The following RASA3 variants were observed in gnomAD, a reference collection of about 807,000 sequenced individuals.
The protein encoded by RASA3 is ras GTPase-activating protein 3.
RASA3 carries 73 observed loss-of-function variants against 110.0 expected under a neutral mutation model. The ratio of observed to expected loss-of-function variants is 0.66; its 90% confidence interval spans 0.55 to 0.81. RASA3 has a LOEUF of 0.81. Among genes scored for constraint, RASA3 ranks in the 30% least tolerant of loss-of-function variants. The pLI is 0.00. For synonymous variants in RASA3, 500 were observed against 451.4 expected (o/e 1.11, Z -1.37); for missense variants, 976 against 1,113.2 (o/e 0.88, Z 1.75).
chr13:114,078,055 G>T, intron 1 of RASA3: 1 of 949,952 alleles, frequency 1.1e-6, no homozygotes, highest in Non-Finnish European at 1.3e-6. Flanking sequence ...ACACCAGGGA[G>T]CCTGCTGGAC....
Position 114,056,058 on chromosome 13 carries a change from T to A in RASA3, c.174-3903A>T, listed in dbSNP as rs1019019906. Among the ~76,000 whole-genome samples the A allele has an allele frequency of 2.0e-5, 3 of 151,858 alleles. No individual in the cohort carries two copies. Among genetic ancestry groups the A allele is most frequent in the African/African-American group, 7.3e-5 (3 of 41,324 alleles). On this transcript the variant is annotated intron_variant, in intron 2 of 23. Transcript: ENST00000334062. This position sits in a 1 kb window ranked among gnomAD's most constrained non-coding sequence, Gnocchi z 5.7. ...CTTCAGAGCAACCCAGGCCTCGGGG[T>A]TCACCTGGCGCGTCACCGTTTCCCG...
intron 1 of RASA3, among the ~76,000 whole-genome samples, chr13:114,082,488 T>TGCTCCGAG (rs1313386830): frequency 6.6e-6 from 1 of 152,352 alleles, no homozygotes; most frequent in African/African-American, 2.4e-5. Flanking sequence ...AACCTCCCTG[T>TGCTCCGAG]GCTCCGAGGC....
At position 114,106,268 on chromosome 13, in the gene RASA3, T is replaced by C. The variant is rs554064342; in HGVS notation, c.55+26167A>G. 3.9e-5 allele frequency among the ~76,000 whole-genome samples: 6 copies of C among 152,308 alleles called. No individual in the cohort carries two copies. The East Asian group carries it at 9.6e-4, about 24-fold the overall frequency. On this transcript the variant is annotated intron_variant, in intron 1 of 23. Coordinates refer to ENST00000334062, the MANE Select transcript of RASA3 (RefSeq NM_007368.4). The stretch of plus-strand genomic sequence containing the variant: ...GTATCTCCACGGAGCAAAATAAGAA[T>C]GGAGAGAAACTAACGCAAAGAAAGA...
At chr13:114,017,791 G>C (rs779433048) in intron 11 of RASA3, among the ~76,000 whole-genome samples, 4 of 152,198 alleles carry the variant, frequency 2.6e-5, no homozygotes, top group Non-Finnish European at 4.4e-5. Context: ...AGGTCCTGAG[G>C]GAAGCTGTGC....
intron 19 of RASA3, 52 bp from the exon 20 acceptor site, chr13:113,999,719 G>T: frequency 6.6e-7 from 1 of 1,524,266 alleles, no homozygotes. Context: ...TCCCGGCTGG[G>T]GTCCGGGTGG....
chr13:114,104,217 G>A (rs112588662), intron 1 of RASA3, among the ~76,000 whole-genome samples: 1 of 48,838 alleles, frequency 2.0e-5, no homozygotes, highest in African/African-American at 1.1e-4. Context: ...ACGCTGCCAC[G>A]GCCACGGACA....
In RASA3 at chr13:114,057,560, G is replaced by A. The variant is rs1011447083; in HGVS notation, c.174-5405C>T. ...AAGGGCGATTCCAGGGACAGTGGAG[G>A]CCCCCACAGGAAGGAAACCTCTCCC... On this transcript the variant is annotated intron_variant, in intron 2 of 23. Transcript: ENST00000334062. This position sits in a 1 kb window ranked among gnomAD's most constrained non-coding sequence, Gnocchi z 5.0. 8.3e-6 allele frequency: 8 copies of A among 965,366 alleles called. No individual in the cohort carries two copies. The highest frequency in any genetic ancestry group is 9.9e-6 in the Non-Finnish European group (8 of 811,724). The allele number at this position is 965,366 out of a possible 1,614,324, so 59.8% of individuals were successfully genotyped here.
At chr13:114,043,681 C>CCCCGGCACAGGAAAA (rs2078977640) in intron 3 of RASA3, among the ~76,000 whole-genome samples, 1 of 151,938 alleles carries the variant, frequency 6.6e-6, no homozygotes, top group African/African-American at 2.4e-5. Flanking sequence ...GCACAGGAAA[C>CCCCGGCACAGGAAAA]AGGCCCCAGC....
chr13:114,126,562 C>A (rs1356019399), intron 1 of RASA3, among the ~76,000 whole-genome samples: 1 of 152,206 alleles, frequency 6.6e-6, no homozygotes, highest in African/African-American at 2.4e-5. Flanking sequence ...ACAGCCAAAA[C>A]CAAAAACAAA....
intron 1 of RASA3, among the ~76,000 whole-genome samples, chr13:114,077,191 AACAC>A (rs2079698821): frequency 6.6e-6 from 1 of 152,184 alleles, no homozygotes; most frequent in Admixed American, 6.5e-5. Context: ...GCAGGACGGA[AACAC>A]ACAAGCTTTC....
intron 3 of RASA3, among the ~76,000 whole-genome samples, chr13:114,043,125 G>C (rs1269288825): frequency 6.8e-6 from 1 of 147,214 alleles, no homozygotes; most frequent in African/African-American, 2.5e-5. Context: ...CCCCTCCTTT[G>C]TCTGCAAACT....
intron 15 of RASA3, among the ~76,000 whole-genome samples, chr13:114,012,751 A>T (rs1311719813): frequency 1.0e-5 from 1 of 97,096 alleles, no homozygotes; most frequent in Non-Finnish European, 2.2e-5. Flanking sequence ...CACTCATTCC[A>T]CACACACTCC....
At chr13:114,059,712 A>G (rs1369332105) in intron 2 of RASA3, among the ~76,000 whole-genome samples, 1 of 152,218 alleles carries the variant, frequency 6.6e-6, no homozygotes, top group Non-Finnish European at 1.5e-5. Flanking sequence ...AGACAAGCAC[A>G]TGGCAGGGCC....
At chr13:114,019,236 C>T (rs1354781198) in intron 9 of RASA3, among the ~76,000 whole-genome samples, 1 of 152,230 alleles carries the variant, frequency 6.6e-6, no homozygotes, top group Non-Finnish European at 1.5e-5. Flanking sequence ...GCCCTAAGAC[C>T]CACACCCAGC....
At position 114,027,425 on chromosome 13, in the gene RASA3, G is replaced by A. The variant is rs1158213166; in HGVS notation, c.567C>T (p.Thr189=). 1.2e-6 allele frequency: 2 copies of A among 1,613,208 alleles called. No individual in the cohort carries two copies. Among genetic ancestry groups the A allele is most frequent in the East Asian group, 2.2e-5 (1 of 44,894 alleles). ...ACACTTCATCGAACTGGGGATTGTT[G>A]GTCTTCCTCTTCACTTTCGTCTTCT... The part of the protein sequence containing the change: ...EAKKTKVKRK[T]NNPQFDEVFY... The change falls in exon 7 of 24, where the codon ACC becomes ACT. Residue 189 remains threonine (T), a synonymous_variant. Transcript: ENST00000334062.
At chr13:114,027,515 C>T (rs2054048881) in intron 6 of RASA3, 54 bp from the exon 7 acceptor site, 1 of 1,383,236 alleles carries the variant, frequency 7.2e-7, no homozygotes, top group South Asian at 1.2e-5. Context: ...GATTCCAAGT[C>T]TCTCAGTGGT....
intron 2 of RASA3, among the ~76,000 whole-genome samples, chr13:114,071,337 C>T (rs1318915486): frequency 3.3e-5 from 5 of 152,166 alleles, no homozygotes; most frequent in Non-Finnish European, 7.3e-5. Flanking sequence ...GACAACAGGC[C>T]CCCATTTCTC....
Position 114,001,521 on chromosome 13 carries a change from G to A in RASA3, c.1743-589C>T, listed in dbSNP as rs111847988. Among the ~76,000 whole-genome samples, 956 of 147,538 alleles carry A rather than the reference G, an allele frequency of 6.5e-3. 13 individuals carry two copies. The highest frequency in any genetic ancestry group is 0.023 in the African/African-American group (891 of 39,364). ...CTCGGGGTCAGGGCAGGCAGTGGAC[G>A]CTCACACACAGAGGACCTACAGCCG... On this transcript the variant is annotated intron_variant, in intron 18 of 23. Transcript: ENST00000334062.
intron 20 of RASA3, among the ~76,000 whole-genome samples, chr13:113,998,921 G>A (rs2053318172): frequency 1.3e-5 from 2 of 152,240 alleles, no homozygotes; most frequent in African/African-American, 4.8e-5. Flanking sequence ...ATGTGGTCGC[G>A]CCGGCGACGT....
Sources: allele counts gnomAD v4.1 joint callset (sites outside exome capture counted in the v4.1 genomes callset), GRCh38; gene constraint gnomAD v4.1.1; non-coding constraint Gnocchi (gnomAD v3.1); transcripts MANE v1.5; gene names NCBI Gene and HGNC (gene_info 2026-07-23, HGNC 2026-07-21).